Variants in PMFBP1 observed in about 807,000 individuals in gnomAD.
PMFBP1 encodes polyamine-modulated factor 1-binding protein 1.
PMFBP1 carries 131 observed loss-of-function variants against 137.8 expected under a neutral mutation model. The observed-to-expected ratio is 0.95, with a 90% CI of 0.82 to 1.10. PMFBP1 has a LOEUF of 1.10. Ranked by LOEUF, PMFBP1 falls within the 50% of genes least tolerant of loss-of-function variation. The pLI is 0.00. For synonymous variants in PMFBP1, 490 were observed against 450.4 expected (o/e 1.09, Z -1.11); for missense variants, 1,199 against 1,175.4 (o/e 1.02, Z -0.29).
the PMFBP1 span, among the ~76,000 whole-genome samples, chr16:72,212,644 G>A: frequency 1.3e-5 from 2 of 152,094 alleles, no homozygotes; most frequent in East Asian, 1.9e-4. Context: ...AGAGATAAGC[G>A]GACACATGAA....
chr16:72,215,962 CTCT>C, the PMFBP1 span, among the ~76,000 whole-genome samples: 10 of 152,314 alleles, frequency 6.6e-5, no homozygotes, highest in South Asian at 2.1e-4. Context: ...ACCAATCTCT[CTCT>C]TCTTCTTCCT....
At chr16:72,192,766 G>A in the PMFBP1 span, among the ~76,000 whole-genome samples, 1 of 152,132 alleles carries the variant, frequency 6.6e-6, no homozygotes, top group East Asian at 1.9e-4. Context: ...GCCAGGTGTG[G>A]TGGCACATGC....
the PMFBP1 span, among the ~76,000 whole-genome samples, chr16:72,245,490 G>C: frequency 1.3e-5 from 2 of 152,174 alleles, no homozygotes; most frequent in Non-Finnish European, 2.9e-5. Context: ...AATTCCCCAT[G>C]GTTTGCACAG....
At chr16:72,148,919 T>C (rs979648267) in intron 5 of PMFBP1, among the ~76,000 whole-genome samples, 22 of 152,168 alleles carry the variant, frequency 1.4e-4, no homozygotes, top group Non-Finnish European at 2.9e-4. Context: ...ATCCCAGAAC[T>C]GATGATGACA....
chr16:72,194,898 A>G, the PMFBP1 span, among the ~76,000 whole-genome samples: 1 of 152,212 alleles, frequency 6.6e-6, no homozygotes, highest in Non-Finnish European at 1.5e-5. Context: ...GGCTTACACT[A>G]GTTAATGGTA....
At chr16:72,232,994 C>T in the PMFBP1 span, among the ~76,000 whole-genome samples, 2 of 152,000 alleles carry the variant, frequency 1.3e-5, no homozygotes, top group East Asian at 3.9e-4. Context: ...CAGTGATTAA[C>T]TCTGTCAGAA....
the PMFBP1 span, among the ~76,000 whole-genome samples, chr16:72,193,982 C>CTTT: frequency 7.7e-6 from 1 of 130,030 alleles, no homozygotes. Context: ...ATCAAGGCTG[C>CTTT]TTTTTTTTTT....
chr16:72,154,510 C>T (rs758497447), intron 3 of PMFBP1, 51 bp from the exon 4 acceptor site: 20 of 1,561,694 alleles, frequency 1.3e-5, no homozygotes, highest in East Asian at 9.0e-5. Context: ...TCACTAAGGA[C>T]GTATTCATTC....
At chr16:72,245,281 T>G in the PMFBP1 span, among the ~76,000 whole-genome samples, 4 of 152,338 alleles carry the variant, frequency 2.6e-5, 1 homozygote. Context: ...TTCTAAGCAC[T>G]TTACAAGTAT....
intron 5 of PMFBP1, among the ~76,000 whole-genome samples, chr16:72,143,656 T>C (rs1283197790): frequency 6.6e-6 from 1 of 151,972 alleles, no homozygotes; most frequent in Non-Finnish European, 1.5e-5. Flanking sequence ...GGCAGAAGAA[T>C]TGCTTGAACC....
At chr16:72,213,840 A>G in the PMFBP1 span, among the ~76,000 whole-genome samples, 2 of 152,234 alleles carry the variant, frequency 1.3e-5, no homozygotes, top group South Asian at 2.1e-4. Flanking sequence ...TAAACAGCAA[A>G]TGGAAACTTA....
chr16:72,160,824 T>C (rs1254090471), intron 3 of PMFBP1, among the ~76,000 whole-genome samples: 3 of 152,204 alleles, frequency 2.0e-5, no homozygotes, highest in East Asian at 1.9e-4. Flanking sequence ...GCATGATCTA[T>C]TAAATTTGTG....
the PMFBP1 span, among the ~76,000 whole-genome samples, chr16:72,237,591 A>G: frequency 2.6e-5 from 4 of 152,154 alleles, no homozygotes; most frequent in Admixed American, 2.0e-4. Context: ...ATCTCTTACA[A>G]AAATGTCGTT....
chr16:72,221,762 A>G, the PMFBP1 span, among the ~76,000 whole-genome samples: 1 of 152,258 alleles, frequency 6.6e-6, no homozygotes, highest in African/African-American at 2.4e-5. Context: ...ATTGAGACAT[A>G]AAATTGATGT....
chr16:72,231,976 G>C, the PMFBP1 span, among the ~76,000 whole-genome samples: 2 of 139,070 alleles, frequency 1.4e-5, no homozygotes, highest in Non-Finnish European at 3.2e-5. Context: ...TGGCTATTTG[G>C]GTCTTGGAGA....
chr16:72,208,459 T>A, the PMFBP1 span, among the ~76,000 whole-genome samples: 1 of 152,238 alleles, frequency 6.6e-6, no homozygotes, highest in African/African-American at 2.4e-5. Context: ...TCATTCCTTT[T>A]CCCCCAGCTT....
In PMFBP1 at chr16:72,154,426, C is replaced by T. The variant is rs996865460; in HGVS notation, c.199G>A (p.Glu67Lys). 2.5e-6 allele frequency: 4 copies of T among 1,614,036 alleles called. No homozygotes were observed. Among genetic ancestry groups the T allele is most frequent in the African/African-American group, 1.3e-5 (1 of 74,910 alleles). The change falls in exon 4 of 21, where the codon GAG (glutamate) becomes AAG (lysine). Residue 67 changes from glutamate to lysine, a missense_variant. Coordinates refer to ENST00000237353, the MANE Select transcript of PMFBP1 (RefSeq NM_031293.3). ...KKQAQALAFE[E>K]SEVEFGSSKQ... ...CTGGACCCAAATTCCACCTCTGACTCCTCGAATGCTAATGCCTGTGCTTGC... is the reference window on the plus strand; with the variant it reads ...CTGGACCCAAATTCCACCTCTGACTTCTCGAATGCTAATGCCTGTGCTTGC...
At chr16:72,204,548 G>C in the PMFBP1 span, among the ~76,000 whole-genome samples, 1 of 152,178 alleles carries the variant, frequency 6.6e-6, no homozygotes. Context: ...TCCTTTAAGA[G>C]CAGGAGCACA....
downstream of PMFBP1, among the ~76,000 whole-genome samples, chr16:72,117,516 A>T (rs1400360095): frequency 6.6e-6 from 1 of 152,002 alleles, no homozygotes; most frequent in Non-Finnish European, 1.5e-5. Flanking sequence ...CTTTTTCCTA[A>T]TTGCTCTGCC....
Sources: allele counts gnomAD v4.1 joint callset (sites outside exome capture counted in the v4.1 genomes callset), GRCh38; gene constraint gnomAD v4.1.1; transcripts MANE v1.5; gene names NCBI Gene and HGNC (gene_info 2026-07-23, HGNC 2026-07-21).